Variants in SAMSN1 observed in about 807,000 individuals in gnomAD.
The protein encoded by SAMSN1 is SAM domain, SH3 domain and nuclear localization signals 1.
A neutral mutation model predicts 42.0 loss-of-function variants in SAMSN1; 31 were observed. The observed-to-expected ratio is 0.74, with a 90% CI of 0.55 to 1.00. The LOEUF is 1.00. Ranked by LOEUF, SAMSN1 falls within the 50% of genes least tolerant of loss-of-function variation. SAMSN1 has a pLI of 0.00. For missense variants in SAMSN1, 464 were observed against 439.4 expected (o/e 1.06, Z -0.50); for synonymous variants, 178 against 151.9 (o/e 1.17, Z -1.26).
chr21:14,487,136 G>A (rs1986470931), intron 7 of SAMSN1, among the ~76,000 whole-genome samples: 1 of 152,068 alleles, frequency 6.6e-6, no homozygotes, highest in Non-Finnish European at 1.5e-5. Context: ...CATCTGAATA[G>A]CTCCACGTTG....
chr21:14,657,109 C>G (rs548278980), intron 1 of SAMSN1, among the ~76,000 whole-genome samples: 1 of 151,940 alleles, frequency 6.6e-6, no homozygotes, highest in East Asian at 1.9e-4. Context: ...TGTCACAACA[C>G]TGTGGTTGAG....
intron 2 of SAMSN1, among the ~76,000 whole-genome samples, chr21:14,626,168 TA>T (rs911804067): frequency 1.4e-4 from 22 of 152,242 alleles, no homozygotes; most frequent in African/African-American, 5.1e-4. Flanking sequence ...CCTAAAACCA[TA>T]AAAACCCTAG....
intron 5 of SAMSN1, among the ~76,000 whole-genome samples, chr21:14,505,505 G>A (rs1427276892): frequency 6.6e-6 from 1 of 152,066 alleles, no homozygotes; most frequent in Non-Finnish European, 1.5e-5. Context: ...GACAAATAGG[G>A]ACATTATACA....
chr21:14,535,711 G>C (rs1411890485), intron 1 of SAMSN1, among the ~76,000 whole-genome samples: 2 of 152,082 alleles, frequency 1.3e-5, no homozygotes, highest in Non-Finnish European at 2.9e-5. Flanking sequence ...GAGACATCAG[G>C]AGCACACAGA....
intron 2 of SAMSN1, among the ~76,000 whole-genome samples, chr21:14,566,616 C>T (rs183652142): frequency 6.6e-6 from 1 of 152,142 alleles, no homozygotes; most frequent in East Asian, 1.9e-4. Context: ...TGGCTCACTA[C>T]AACTTCTGCC....
upstream of SAMSN1, among the ~76,000 whole-genome samples, chr21:14,586,893 A>G (rs993625172): frequency 6.6e-6 from 1 of 152,222 alleles, no homozygotes; most frequent in African/African-American, 2.4e-5. Context: ...CTTGGAACAC[A>G]ATACAGTTTG....
intron 1 of SAMSN1, among the ~76,000 whole-genome samples, chr21:14,536,991 A>T (rs1454403407): frequency 2.0e-5 from 3 of 152,192 alleles, no homozygotes; most frequent in Non-Finnish European, 4.4e-5. Context: ...TTTCTGCAAT[A>T]GTCTGTTAAC....
intron 7 of SAMSN1, 63 bp from the exon 8 acceptor site, chr21:14,486,177 A>G (rs1986428013): frequency 9.1e-7 from 1 of 1,097,608 alleles, no homozygotes; most frequent in South Asian, 1.3e-5. Flanking sequence ...TCATGTACTC[A>G]TTCACTTTCA....
chr21:14,580,866 T>C (rs1441583405), intron 2 of SAMSN1, among the ~76,000 whole-genome samples: 13 of 152,130 alleles, frequency 8.5e-5, no homozygotes, highest in Admixed American at 8.5e-4. Context: ...CACAGAATTG[T>C]CCCATTCATT....
upstream of SAMSN1, among the ~76,000 whole-genome samples, chr21:14,587,750 T>C (rs539103300): frequency 3.9e-4 from 59 of 151,868 alleles, 1 homozygote; most frequent in Middle Eastern, 3.4e-3. Context: ...TCACCTTATT[T>C]ATTTATTTAT....
At chr21:14,590,241 T>C (rs921535999) in intron 7 of SAMSN1, among the ~76,000 whole-genome samples, 3 of 147,650 alleles carry the variant, frequency 2.0e-5, no homozygotes, top group African/African-American at 7.5e-5. Flanking sequence ...GATGTGTTAG[T>C]TTTGTAATTA....
chr21:14,582,774 C>G (rs1981784536), intron 1 of SAMSN1, among the ~76,000 whole-genome samples: 2 of 151,892 alleles, frequency 1.3e-5, no homozygotes, highest in South Asian at 4.1e-4. Context: ...AAATAATATG[C>G]TGAAAGATAT....
chr21:14,650,569 A>G (rs930664011), intron 1 of SAMSN1, among the ~76,000 whole-genome samples: 2 of 152,110 alleles, frequency 1.3e-5, no homozygotes, highest in Admixed American at 1.3e-4. Context: ...ATAAATGACT[A>G]CATCAAAAAA....
intron 2 of SAMSN1, among the ~76,000 whole-genome samples, chr21:14,640,517 C>G (rs1019690862): frequency 2.6e-5 from 4 of 151,620 alleles, no homozygotes; most frequent in Admixed American, 6.6e-5. Context: ...ACTTTTTTTC[C>G]TTACATCAAG....
intron 2 of SAMSN1, among the ~76,000 whole-genome samples, chr21:14,623,337 G>A (rs555914928): frequency 1.5e-3 from 223 of 152,268 alleles, no homozygotes; most frequent in Non-Finnish European, 2.5e-3. Context: ...ATTGGATAAA[G>A]AGTCAAGACC....
chr21:14,543,458 A>T (rs1362792300), intron 1 of SAMSN1, among the ~76,000 whole-genome samples: 1 of 152,196 alleles, frequency 6.6e-6, no homozygotes, highest in African/African-American at 2.4e-5. Context: ...AATATAAGAA[A>T]ATAATGAATT....
In SAMSN1 at chr21:14,536,406, T is replaced by G. The variant is rs80281953; in HGVS notation, c.57+9799A>C. Among the ~76,000 whole-genome samples the G allele has an allele frequency of 6.1e-3, 932 of 152,272 alleles. 3 individuals carry two copies. The highest frequency in any genetic ancestry group is 0.011 in the Non-Finnish European group (749 of 68,016). On this transcript the variant is annotated intron_variant, in intron 1 of 7. Coordinates refer to ENST00000400566, the MANE Select transcript of SAMSN1 (RefSeq NM_022136.5). ...TCCTATAAAATACAATATCCAAATT[T>G]CCAAACAAAGGGGAGGCTACACTTC...
chr21:14,487,678 A>G (rs2123633279), intron 7 of SAMSN1, among the ~76,000 whole-genome samples: 1 of 152,308 alleles, frequency 6.6e-6, no homozygotes, highest in South Asian at 2.1e-4. Context: ...AATGAGTCAT[A>G]ACAGTTCTTT....
chr21:14,534,516 C>CTTTTTT (rs1195215546), intron 1 of SAMSN1, among the ~76,000 whole-genome samples: 1 of 87,140 alleles, frequency 1.1e-5, no homozygotes, highest in Non-Finnish European at 2.0e-5. Context: ...GAGGGAGAGA[C>CTTTTTT]TTTTTTTCTT....
Sources: gnomAD v4.1 joint callset for allele counts (sites outside exome capture counted in the v4.1 genomes callset) on GRCh38, gnomAD v4.1.1 for gene constraint, MANE v1.5 for transcripts, NCBI Gene and HGNC (gene_info 2026-07-23, HGNC 2026-07-21) for gene names.